PPP6R3: variants seen among roughly 807,000 people sequenced by gnomAD.
PPP6R3 encodes protein phosphatase 6 regulatory subunit 3, also known as serine/threonine-protein phosphatase 6 regulatory subunit 3.
In PPP6R3, 38 loss-of-function variants were observed where a neutral mutation model predicts 110.7. That is an observed-to-expected ratio of 0.34 (90% CI 0.26 to 0.45). PPP6R3 has a LOEUF of 0.45. Among genes scored for constraint, PPP6R3 ranks in the 20% least tolerant of loss-of-function variants. The pLI, the probability that PPP6R3 is intolerant of heterozygous loss-of-function variation, is 1.00. For synonymous variants in PPP6R3, 369 were observed against 373.5 expected (o/e 0.99, Z 0.14); for missense variants, 870 against 1,062.4 (o/e 0.82, Z 2.52).
At chr11:68,609,408 G>T in intron 22 of PPP6R3, 1 of 715,934 alleles carries the variant, frequency 1.4e-6, no homozygotes, top group South Asian at 1.5e-5. Context: ...CTGTCTTGCT[G>T]CTTTAATGGT....
At chr11:68,546,839 T>C (rs2099351119) in intron 4 of PPP6R3, among the ~76,000 whole-genome samples, 1 of 152,202 alleles carries the variant, frequency 6.6e-6, no homozygotes, top group Non-Finnish European at 1.5e-5. Context: ...TCCTTTGGGC[T>C]CCAGGTTTGG....
chr11:68,565,971 G>A (rs999699241), intron 9 of PPP6R3, among the ~76,000 whole-genome samples: 1 of 152,114 alleles, frequency 6.6e-6, no homozygotes, highest in Non-Finnish European at 1.5e-5. Context: ...GGATGGGGAG[G>A]GGCAGAAAGG....
chr11:68,534,827 A>T (rs972148849), intron 2 of PPP6R3, among the ~76,000 whole-genome samples: 4 of 152,196 alleles, frequency 2.6e-5, no homozygotes, highest in South Asian at 4.1e-4. Flanking sequence ...TTCCACCAGA[A>T]GCATGGTGGG....
intron 14 of PPP6R3, among the ~76,000 whole-genome samples, chr11:68,582,837 G>C (rs1450876212): frequency 6.6e-6 from 1 of 152,234 alleles, no homozygotes; most frequent in Non-Finnish European, 1.5e-5. Context: ...AACTAGAAGG[G>C]AGTGGCAGGG....
intron 1 of PPP6R3, among the ~76,000 whole-genome samples, chr11:68,487,528 C>T (rs2098955603): frequency 6.6e-6 from 1 of 151,664 alleles, no homozygotes; most frequent in Non-Finnish European, 1.5e-5. Flanking sequence ...GTAGATTGCA[C>T]CACTGCACTC....
chr11:68,544,469 C>A (rs565443497), intron 3 of PPP6R3, among the ~76,000 whole-genome samples: 2 of 152,332 alleles, frequency 1.3e-5, no homozygotes, highest in Admixed American at 1.3e-4. Context: ...GCAAGCTTTG[C>A]TGCTTCCCAT....
chr11:68,615,088 G>A lies in PPP6R3; in HGVS notation c.*1971G>A, dbSNP rs1185988240. 1 of 468,262 alleles carries A rather than the reference G, an allele frequency of 2.1e-6. No individual in the cohort carries two copies. Among genetic ancestry groups the A allele is most frequent in the Non-Finnish European group, 4.3e-6 (1 of 234,950 alleles). 29.0% of individuals were successfully genotyped at this position (468,262 alleles called of 1,614,324 possible). A position where few individuals can be genotyped will look rare whatever the true frequency, so the allele number is the denominator to read the frequency against. Reference sequence around the variant, plus strand: ...CTGACTGCTGGGAGAGAGCCTCTGGGACTTTTCTTTGGGGCATCATTTTGT... The same window carrying A: ...CTGACTGCTGGGAGAGAGCCTCTGGAACTTTTCTTTGGGGCATCATTTTGT... On this transcript the variant is annotated 3_prime_UTR_variant, in exon 24 of 24. Coordinates refer to ENST00000393800, the MANE Select transcript of PPP6R3 (RefSeq NM_001164161.2).
At chr11:68,502,182 A>G (rs559692487) in intron 1 of PPP6R3, among the ~76,000 whole-genome samples, 126 of 152,362 alleles carry the variant, frequency 8.3e-4, no homozygotes, top group African/African-American at 2.6e-3. Context: ...TAGCCACATG[A>G]AGAAAGTAAA....
intron 2 of PPP6R3, among the ~76,000 whole-genome samples, chr11:68,525,845 G>T (rs574762068): frequency 2.0e-5 from 3 of 152,160 alleles, no homozygotes; most frequent in Non-Finnish European, 4.4e-5. Flanking sequence ...AATAATAAAT[G>T]ACCATTGTCA....
chr11:68,539,064 A>C (rs558622110), intron 3 of PPP6R3, among the ~76,000 whole-genome samples: 1 of 152,286 alleles, frequency 6.6e-6, no homozygotes, highest in South Asian at 2.1e-4. Context: ...TGACAGACCT[A>C]CTAGTGTGCT....
chr11:68,603,868 A>G (rs1226552240), intron 22 of PPP6R3, among the ~76,000 whole-genome samples: 1 of 152,256 alleles, frequency 6.6e-6, no homozygotes, highest in South Asian at 2.1e-4. Flanking sequence ...TCAGTAACAT[A>G]CAGATGATTA....
chr11:68,534,816 A>AT (rs2099261011), intron 2 of PPP6R3, among the ~76,000 whole-genome samples: 1 of 152,242 alleles, frequency 6.6e-6, no homozygotes, highest in South Asian at 2.1e-4. Flanking sequence ...GAGCTGTATT[A>AT]TTCCACCAGA....
intron 1 of PPP6R3, among the ~76,000 whole-genome samples, chr11:68,475,725 C>A (rs536969462): frequency 7.1e-6 from 1 of 140,992 alleles, no homozygotes; most frequent in African/African-American, 2.6e-5. Context: ...CGGGCGGAGA[C>A]GCTCCTCACT....
At chr11:68,465,678 A>G (rs2098740554) in intron 1 of PPP6R3, among the ~76,000 whole-genome samples, 1 of 152,204 alleles carries the variant, frequency 6.6e-6, no homozygotes, top group Admixed American at 6.5e-5. Flanking sequence ...TTAGGGATTC[A>G]CTGATGAACA....
Position 68,600,432 on chromosome 11 carries a change from G to A in PPP6R3, c.2130G>A (p.Glu710=). ...DSVGSDVWST[E]EPMPTKETGW... ...TGGGATCTGATGTCTGGAGCACAGA[G>A]GAGCCGATGCCAACTAAAGAGACGG... The change falls in exon 20 of 24, where the codon GAG becomes GAA. Residue 710 remains glutamate (E), a synonymous_variant. Transcript: ENST00000393800. 6.2e-7 allele frequency: 1 copy of A among 1,614,150 alleles called. No homozygotes were observed. The highest frequency in any genetic ancestry group is 1.3e-5 in the African/African-American group (1 of 75,032).
intron 1 of PPP6R3, among the ~76,000 whole-genome samples, chr11:68,511,685 T>G (rs2099111030): frequency 6.6e-6 from 1 of 151,476 alleles, no homozygotes; most frequent in Admixed American, 6.6e-5. Flanking sequence ...TTCGCCATGT[T>G]TGCCAGGCTG....
intron 18 of PPP6R3, among the ~76,000 whole-genome samples, chr11:68,594,038 A>G (rs1167249748): frequency 6.6e-6 from 1 of 152,204 alleles, no homozygotes; most frequent in Non-Finnish European, 1.5e-5. Context: ...AAATACAAAG[A>G]AACAAGTATA....
intron 14 of PPP6R3, 84 bp downstream of exon 14, chr11:68,576,127 AT>A: frequency 1.0e-6 from 1 of 987,038 alleles, no homozygotes; most frequent in Admixed American, 2.3e-5. Flanking sequence ...AAGATCTTCC[AT>A]TTACCTCAGT....
intron 7 of PPP6R3, among the ~76,000 whole-genome samples, chr11:68,557,353 C>T (rs183440111): frequency 2.0e-5 from 3 of 152,098 alleles, no homozygotes; most frequent in African/African-American, 7.2e-5. Flanking sequence ...AGATTCTCTC[C>T]TATTTCCTGC....
Sources: allele counts gnomAD v4.1 joint callset (sites outside exome capture counted in the v4.1 genomes callset), GRCh38; gene constraint gnomAD v4.1.1; transcripts MANE v1.5; gene names NCBI Gene and HGNC (gene_info 2026-07-23, HGNC 2026-07-21).